Variants in IGF1R observed in about 807,000 individuals in gnomAD.
The protein encoded by IGF1R is insulin like growth factor 1 receptor, also known as insulin-like growth factor 1 receptor.
IGF1R carries 44 observed loss-of-function variants against 144.6 expected under a neutral mutation model. That is an observed-to-expected ratio of 0.30 (90% CI 0.24 to 0.39). The LOEUF is 0.39. Ranked by LOEUF, IGF1R falls within the 10% of genes least tolerant of loss-of-function variation. IGF1R has a pLI of 1.00. For synonymous variants in IGF1R, 795 were observed against 722.8 expected, an observed-to-expected ratio of 1.10 and a Z score of -1.60; for missense variants, 1,355 against 1,833.7, an observed-to-expected ratio of 0.74 and a Z score of 4.77.
At chr15:98,906,202 TG>T (rs1480511433) in intron 5 of IGF1R, among the ~76,000 whole-genome samples, 2 of 152,200 alleles carry the variant, frequency 1.3e-5, no homozygotes, top group African/African-American at 4.8e-5. Context: ...CTTCCTCCCG[TG>T]GGGGAGAAGA....
chr15:98,676,296 C>T (rs904940816), intron 1 of IGF1R, among the ~76,000 whole-genome samples: 3 of 151,934 alleles, frequency 2.0e-5, no homozygotes, highest in African/African-American at 7.3e-5. Context: ...TGCCACCATG[C>T]CCGGCTAATT....
intron 2 of IGF1R, among the ~76,000 whole-genome samples, chr15:98,821,751 AG>A (rs2056807956): frequency 6.6e-6 from 1 of 152,234 alleles, no homozygotes; most frequent in Admixed American, 6.5e-5. Flanking sequence ...GATATCTGCA[AG>A]GATCTTCAGG....
Position 98,963,182 on chromosome 15 carries a change from CTCTG to C in IGF1R, c.*5742_*5745del, listed in dbSNP as rs1469083434. On this transcript the variant is annotated 3_prime_UTR_variant, in exon 21 of 21. Transcript: ENST00000650285. ...AATAATTTAAAGACACTTTTTTTTT[CTCTG>C]TGTGTGCAAATGTGTGTTTGTGATC... The C allele has an allele frequency of 3.2e-5, 7 of 219,846 alleles. No individual in the cohort carries two copies. Among genetic ancestry groups the C allele is most frequent in the African/African-American group, 7.4e-5 (3 of 40,516 alleles). 13.6% of individuals were successfully genotyped at this position (219,846 alleles called of 1,614,324 possible). A position where few individuals can be genotyped will look rare whatever the true frequency, so the allele number is the denominator to read the frequency against.
At chr15:98,833,550 A>G (rs1596341829) in intron 2 of IGF1R, among the ~76,000 whole-genome samples, 1 of 152,220 alleles carries the variant, frequency 6.6e-6, no homozygotes, top group Admixed American at 6.5e-5. Context: ...GTTGTAGTCT[A>G]AAAATTTCCA....
rs1567223747 is a variant in IGF1R, at chr15:98,957,424, CCA to C, written c.4087_4088del (p.Gln1363ValfsTer10). 2 of 1,613,128 alleles carry C rather than the reference CCA, an allele frequency of 1.2e-6. No homozygotes were observed. Among genetic ancestry groups the C allele is most frequent in the East Asian group, 2.2e-5 (1 of 44,874 alleles). On this transcript the variant is annotated frameshift_variant, in exon 21 of 21. Transcript: ENST00000650285. LOFTEE classifies it high-confidence loss of function. Reference protein sequence around the residue: ...RKNERALPLPQSSTC With the variant: ...RKNERALPLPXSSTC ...AGAACGAGCGGGCCTTGCCGCTGCCCCAGTCTTCGACCTGCTGATCCTTGGAT... is the reference window on the plus strand; with the variant it reads ...AGAACGAGCGGGCCTTGCCGCTGCCCGTCTTCGACCTGCTGATCCTTGGAT...
At position 98,659,997 on chromosome 15, in the gene IGF1R, C is replaced by G. The variant is rs73473431; in HGVS notation, c.94+10322C>G. On this transcript the variant is annotated intron_variant, in intron 1 of 20. Transcript: ENST00000650285. ...CTAGCTAATTTTATGTATTTTGTTT[C>G]ATGTTTTATTGATATTTTCAGAATC... 4.8e-3 allele frequency among the ~76,000 whole-genome samples: 735 copies of G among 152,276 alleles called. 6 individuals carry two copies. Among genetic ancestry groups the G allele is most frequent in the African/African-American group, 0.017 (703 of 41,556 alleles).
chr15:98,664,268 C>T (rs977532779), intron 1 of IGF1R, among the ~76,000 whole-genome samples: 4 of 152,174 alleles, frequency 2.6e-5, no homozygotes, highest in African/African-American at 9.7e-5. Context: ...CCATTCCCCT[C>T]TGAGATGAGG....
chr15:98,901,545 C>G (rs2014483198), intron 5 of IGF1R, among the ~76,000 whole-genome samples: 2 of 152,198 alleles, frequency 1.3e-5, no homozygotes, highest in Non-Finnish European at 2.9e-5. Context: ...GACTCAGGGA[C>G]AGAGTTAGGT....
chr15:98,947,461 TCCCTGCTCCCCA>T (rs139474254), intron 19 of IGF1R, among the ~76,000 whole-genome samples: 3,895 of 152,200 alleles, frequency 0.026, 75 homozygotes, highest in Non-Finnish European at 0.036. Context: ...CCAGCTAGAA[TCCCTGCTCCCCA>T]CCCTGCTCCC....
At chr15:98,853,353 A>G (rs1208980313) in intron 2 of IGF1R, among the ~76,000 whole-genome samples, 1 of 152,192 alleles carries the variant, frequency 6.6e-6, no homozygotes, top group Non-Finnish European at 1.5e-5. Flanking sequence ...TATTTGCGAC[A>G]GGGCTGCCTG....
At chr15:98,876,854 A>G (rs1176260370) in intron 2 of IGF1R, among the ~76,000 whole-genome samples, 2 of 152,238 alleles carry the variant, frequency 1.3e-5, no homozygotes, top group Non-Finnish European at 2.9e-5. Flanking sequence ...TCCATCCTGG[A>G]TAAGAGTTTA....
At chr15:98,873,017 A>C (rs981317288) in intron 2 of IGF1R, among the ~76,000 whole-genome samples, 3 of 152,152 alleles carry the variant, frequency 2.0e-5, no homozygotes, top group Non-Finnish European at 4.4e-5. Flanking sequence ...CACTGTGTAC[A>C]GAGGAATGCT....
intron 2 of IGF1R, among the ~76,000 whole-genome samples, chr15:98,866,147 C>T (rs2012431327): frequency 6.6e-6 from 1 of 152,230 alleles, no homozygotes; most frequent in African/African-American, 2.4e-5. Flanking sequence ...TACTGTTCCA[C>T]GCGAGCACCC....
chr15:98,948,438 C>T, intron 19 of IGF1R, 136 bp from the exon 20 acceptor site: 1 of 913,730 alleles, frequency 1.1e-6, no homozygotes, highest in East Asian at 2.4e-5. Context: ...CAGGGCCTGG[C>T]TCGCTGTCTG....
At chr15:98,822,959 A>G in intron 2 of IGF1R, among the ~76,000 whole-genome samples, 1 of 152,230 alleles carries the variant, frequency 6.6e-6, no homozygotes, top group East Asian at 1.9e-4. Context: ...TTTCTATTTT[A>G]GAGTTTTCCC....
chr15:98,650,785 G>C (rs1468823707), intron 1 of IGF1R: 7 of 578,122 alleles, frequency 1.2e-5, no homozygotes, highest in African/African-American at 6.0e-5. Context: ...CCTCTCTTCT[G>C]CCGCCCCGCA....
At chr15:98,860,790 G>C (rs908100353) in intron 2 of IGF1R, among the ~76,000 whole-genome samples, 5 of 152,134 alleles carry the variant, frequency 3.3e-5, no homozygotes, top group African/African-American at 1.2e-4. Flanking sequence ...GTCTCCATCA[G>C]CCCCTCTGTA....
chr15:98,685,571 T>C (rs2053306197), intron 1 of IGF1R, among the ~76,000 whole-genome samples: 1 of 152,218 alleles, frequency 6.6e-6, no homozygotes, highest in Non-Finnish European at 1.5e-5. Flanking sequence ...ATCTTCCCAG[T>C]GGCTCTTTCC....
chr15:98,806,818 T>G (rs1420425852), intron 2 of IGF1R, among the ~76,000 whole-genome samples: 2 of 152,138 alleles, frequency 1.3e-5, no homozygotes, highest in African/African-American at 4.8e-5. Flanking sequence ...ATGTGAGAGC[T>G]TTAGGGCACA....
Sources: gnomAD v4.1 joint callset for allele counts (sites outside exome capture counted in the v4.1 genomes callset) on GRCh38, gnomAD v4.1.1 for gene constraint, MANE v1.5 for transcripts, NCBI Gene and HGNC (gene_info 2026-07-23, HGNC 2026-07-21) for gene names.